The following GUCY1A2 variants were observed in gnomAD, a reference collection of about 807,000 sequenced individuals.
GUCY1A2 encodes guanylate cyclase 1 soluble subunit alpha 2, also known as guanylate cyclase soluble subunit alpha-2.
Under a neutral mutation model 63.5 loss-of-function variants are expected in GUCY1A2, and 27 were observed. The observed-to-expected ratio is 0.43, with a 90% CI of 0.31 to 0.59. The LOEUF is 0.59. Among genes scored for constraint, GUCY1A2 ranks in the 20% least tolerant of loss-of-function variants. The probability of loss-of-function intolerance (pLI) is 0.11; values close to 1 mark genes in which losing one functional copy is unlikely to be tolerated. For missense variants in GUCY1A2, 768 were observed against 913.3 expected (o/e 0.84, Z 2.05); for synonymous variants, 364 against 343.5 (o/e 1.06, Z -0.66).
At chr11:106,994,888 A>G (rs150826142) in intron 1 of GUCY1A2, among the ~76,000 whole-genome samples, 2 of 152,344 alleles carry the variant, frequency 1.3e-5, no homozygotes, top group East Asian at 1.9e-4. Context: ...CAGTGTCACT[A>G]TTACTTAAAT....
intron 4 of GUCY1A2, among the ~76,000 whole-genome samples, chr11:106,853,356 G>T (rs1437612958): frequency 2.6e-5 from 4 of 151,516 alleles, no homozygotes; most frequent in South Asian, 2.1e-4. Context: ...AATTTTTTTG[G>T]TTTTTTGTTT....
chr11:106,873,620 A>AT (rs537283418), intron 4 of GUCY1A2, among the ~76,000 whole-genome samples: 5 of 151,300 alleles, frequency 3.3e-5, no homozygotes, highest in Admixed American at 1.3e-4. Flanking sequence ...GGGGTTGTCC[A>AT]TTTTTTTCTT....
chr11:106,709,951 CATATAGTTATATATA>C (rs1863065603), intron 6 of GUCY1A2, among the ~76,000 whole-genome samples: 1 of 13,848 alleles, frequency 7.2e-5, no homozygotes, highest in Non-Finnish European at 1.5e-4. Context: ...ATGTATATAA[CATATAGTTATATATA>C]ATATAGTTAT....
chr11:106,922,526 TTG>T (rs1435314176), intron 4 of GUCY1A2, among the ~76,000 whole-genome samples: 7 of 150,130 alleles, frequency 4.7e-5, no homozygotes, highest in African/African-American at 7.4e-5. Flanking sequence ...TCTTATTAAA[TTG>T]TGAGTACACA....
chr11:107,016,314 T>G (rs1861823295), intron 1 of GUCY1A2, among the ~76,000 whole-genome samples: 1 of 152,220 alleles, frequency 6.6e-6, no homozygotes. Flanking sequence ...AAGGTCAGGG[T>G]GAGCATAAAA....
At chr11:106,831,608 T>C (rs1859052008) in intron 4 of GUCY1A2, among the ~76,000 whole-genome samples, 1 of 152,194 alleles carries the variant, frequency 6.6e-6, no homozygotes, top group Admixed American at 6.5e-5. Flanking sequence ...GATTCTCCAC[T>C]TCTCTCTCTA....
At chr11:106,987,177 G>GGAATACGAATGTAATACAAACCCTTCAA in intron 1 of GUCY1A2, among the ~76,000 whole-genome samples, 1 of 152,118 alleles carries the variant, frequency 6.6e-6, no homozygotes, top group South Asian at 2.1e-4. Flanking sequence ...GAATTCTTGG[G>GGAATACGAATGTAATACAAACCCTTCAA]GAATACGAAT....
At chr11:106,819,996 TGAG>T (rs1371619821) in intron 4 of GUCY1A2, among the ~76,000 whole-genome samples, 19 of 152,170 alleles carry the variant, frequency 1.2e-4, no homozygotes, top group Non-Finnish European at 2.4e-4. Context: ...ATGGAAGGAT[TGAG>T]GAGATGTTGA....
chr11:106,998,591 G>T (rs1346458640), intron 1 of GUCY1A2, among the ~76,000 whole-genome samples: 1 of 152,104 alleles, frequency 6.6e-6, no homozygotes, highest in Non-Finnish European at 1.5e-5. Flanking sequence ...TTCCTTGCAT[G>T]CATAACGACT....
At chr11:106,701,122 GT>G (rs1862810276) in intron 7 of GUCY1A2, among the ~76,000 whole-genome samples, 1 of 151,902 alleles carries the variant, frequency 6.6e-6, no homozygotes, top group South Asian at 2.1e-4. Context: ...CCTCCAAATT[GT>G]TTATAAAGTA....
intron 4 of GUCY1A2, among the ~76,000 whole-genome samples, chr11:106,863,835 G>A (rs1039073713): frequency 6.6e-5 from 10 of 152,038 alleles, no homozygotes; most frequent in African/African-American, 9.7e-5. Flanking sequence ...AGTTCTCCTT[G>A]AAATGGTCAT....
chr11:106,875,273 A>G (rs887700883), intron 4 of GUCY1A2, among the ~76,000 whole-genome samples: 14 of 152,134 alleles, frequency 9.2e-5, no homozygotes, highest in Non-Finnish European at 2.1e-4. Context: ...GGAAAACTCA[A>G]CACCATGACA....
intron 4 of GUCY1A2, among the ~76,000 whole-genome samples, chr11:106,872,378 T>A (rs1411954050): frequency 1.3e-5 from 2 of 152,120 alleles, no homozygotes; most frequent in East Asian, 3.9e-4. Flanking sequence ...CAGAGAAAGG[T>A]CACAACATTG....
At chr11:106,780,524 C>T (rs544079350) in intron 5 of GUCY1A2, among the ~76,000 whole-genome samples, 9 of 152,268 alleles carry the variant, frequency 5.9e-5, no homozygotes, top group African/African-American at 1.9e-4. Context: ...AGAACCTCCA[C>T]GTCGGGAACT....
At chr11:106,695,582 G>A (rs1862703295) in intron 7 of GUCY1A2, among the ~76,000 whole-genome samples, 1 of 152,094 alleles carries the variant, frequency 6.6e-6, no homozygotes, top group Admixed American at 6.6e-5. Flanking sequence ...TACTTGAGTG[G>A]AAGAAAGGAA....
intron 4 of GUCY1A2, chr11:106,826,795 C>G (rs58929326): frequency 0.038 from 61,674 of 1,609,614 alleles, 1,757 homozygotes; most frequent in African/African-American, 0.14. Flanking sequence ...CCAGACTGGG[C>G]TCAGCTGCCA....
chr11:106,917,913 T>C (rs1860389831), intron 4 of GUCY1A2, among the ~76,000 whole-genome samples: 1 of 138,372 alleles, frequency 7.2e-6, no homozygotes, highest in Non-Finnish European at 1.6e-5. Flanking sequence ...CTACACGTTG[T>C]GCACAGGTAC....
chr11:106,919,441 T>C (rs570098403), intron 4 of GUCY1A2, among the ~76,000 whole-genome samples: 3 of 152,274 alleles, frequency 2.0e-5, no homozygotes, highest in East Asian at 1.9e-4. Context: ...TTAATTGTGA[T>C]AATCATTTCA....
intron 6 of GUCY1A2, among the ~76,000 whole-genome samples, chr11:106,774,032 A>G (rs965659297): frequency 1.2e-4 from 19 of 152,220 alleles, no homozygotes; most frequent in Non-Finnish European, 2.4e-4. Flanking sequence ...AAAGATTCAT[A>G]AAGTACAATA....
Sources: allele counts gnomAD v4.1 joint callset (sites outside exome capture counted in the v4.1 genomes callset), GRCh38; gene constraint gnomAD v4.1.1; transcripts MANE v1.5; gene names NCBI Gene and HGNC (gene_info 2026-07-23, HGNC 2026-07-21).